Variants in ZNF804B observed in about 807,000 individuals in gnomAD.
ZNF804B encodes the protein zinc finger 804B.
Under a neutral mutation model 101.4 loss-of-function variants are expected in ZNF804B, and 80 were observed. The ratio of observed to expected loss-of-function variants is 0.79; its 90% CI spans 0.66 to 0.95. The LOEUF is 0.95. Among genes scored for constraint, ZNF804B ranks in the 40% least tolerant of loss-of-function variants. ZNF804B has a pLI of 0.00. For synonymous variants in ZNF804B, 622 were observed against 558.8 expected (o/e 1.11, Z -1.59); for missense variants, 1,673 against 1,561.9 (o/e 1.07, Z -1.20).
intron 1 of ZNF804B, among the ~76,000 whole-genome samples, chr7:89,064,893 A>G (rs376188273): frequency 1.5e-4 from 23 of 152,284 alleles, no homozygotes; most frequent in African/African-American, 5.3e-4. Flanking sequence ...AGCTTCACTT[A>G]AGAGTCATCG....
chr7:88,767,770 A>G (rs981978492), intron 1 of ZNF804B, among the ~76,000 whole-genome samples: 1 of 152,242 alleles, frequency 6.6e-6, no homozygotes. Flanking sequence ...ATCCGTCCAC[A>G]TGATTCTACT....
At chr7:88,878,917 T>C (rs112176911) in intron 1 of ZNF804B, among the ~76,000 whole-genome samples, 5 of 152,330 alleles carry the variant, frequency 3.3e-5, no homozygotes, top group African/African-American at 1.2e-4. Flanking sequence ...ACTTTTGCAG[T>C]TATGCCCAAA....
intron 1 of ZNF804B, among the ~76,000 whole-genome samples, chr7:89,056,760 A>C (rs1052727826): frequency 2.0e-5 from 3 of 152,146 alleles, no homozygotes; most frequent in Non-Finnish European, 2.9e-5. Flanking sequence ...CTAAGCAGAT[A>C]GGAGTGGGGG....
chr7:89,257,431 A>T (rs1789649934), intron 2 of ZNF804B, among the ~76,000 whole-genome samples: 1 of 152,078 alleles, frequency 6.6e-6, no homozygotes, highest in Non-Finnish European at 1.5e-5. Flanking sequence ...TTATAAGCTT[A>T]ATCTCTGAGT....
intron 1 of ZNF804B, among the ~76,000 whole-genome samples, chr7:89,206,645 A>T (rs1019948568): frequency 1.6e-4 from 24 of 152,042 alleles, no homozygotes; most frequent in African/African-American, 5.8e-4. Flanking sequence ...CTAGCTACTC[A>T]GGAGGCTGAG....
chr7:89,098,425 A>G (rs1472324361), intron 1 of ZNF804B, among the ~76,000 whole-genome samples: 2 of 151,926 alleles, frequency 1.3e-5, no homozygotes. Context: ...GGTGCGTGCC[A>G]CCACACCCAG....
chr7:88,829,549 TA>T (rs1791100808), intron 1 of ZNF804B, among the ~76,000 whole-genome samples: 1 of 152,072 alleles, frequency 6.6e-6, no homozygotes. Flanking sequence ...GTAAATAAAT[TA>T]AAAATTTTAA....
At chr7:88,802,186 C>T (rs1017676742) in intron 1 of ZNF804B, among the ~76,000 whole-genome samples, 3 of 152,094 alleles carry the variant, frequency 2.0e-5, no homozygotes, top group Admixed American at 6.6e-5. Context: ...GAGACCTCCT[C>T]AATCATGCGA....
intron 1 of ZNF804B, among the ~76,000 whole-genome samples, chr7:88,951,733 C>T (rs1793226670): frequency 6.6e-6 from 1 of 151,802 alleles, no homozygotes; most frequent in Non-Finnish European, 1.5e-5. Context: ...CCATCAGACA[C>T]TCACCAATTG....
At chr7:88,962,002 G>A (rs1472814555) in intron 1 of ZNF804B, among the ~76,000 whole-genome samples, 3 of 151,264 alleles carry the variant, frequency 2.0e-5, no homozygotes, top group Non-Finnish European at 1.5e-5. Context: ...CAAGGTTTTA[G>A]TGTAGAATTT....
chr7:89,220,731 A>C (rs969681020), intron 2 of ZNF804B, among the ~76,000 whole-genome samples: 19 of 151,964 alleles, frequency 1.3e-4, no homozygotes, highest in African/African-American at 3.4e-4. Context: ...GGTCTTATAA[A>C]TGATTTGTAA....
intron 1 of ZNF804B, among the ~76,000 whole-genome samples, chr7:89,038,236 C>G (rs909894582): frequency 2.6e-5 from 4 of 152,010 alleles, no homozygotes; most frequent in Non-Finnish European, 4.4e-5. Flanking sequence ...TGTGAGAAAC[C>G]TCCATACTCT....
intron 1 of ZNF804B, among the ~76,000 whole-genome samples, chr7:88,784,628 G>A (rs907086671): frequency 1.3e-5 from 2 of 152,070 alleles, no homozygotes; most frequent in African/African-American, 4.8e-5. Context: ...CACTGCCAAC[G>A]GCCAAGCTTT....
At chr7:89,305,656 A>C (rs1443006972) in intron 2 of ZNF804B, among the ~76,000 whole-genome samples, 1 of 152,066 alleles carries the variant, frequency 6.6e-6, no homozygotes, top group African/African-American at 2.4e-5. Flanking sequence ...TAAATGTGAT[A>C]AACATAAATG....
intron 1 of ZNF804B, among the ~76,000 whole-genome samples, chr7:89,136,764 T>TGTGCGC (rs1554368480): frequency 6.8e-6 from 1 of 146,392 alleles, no homozygotes; most frequent in Non-Finnish European, 1.5e-5. Flanking sequence ...TGTGTGTGTG[T>TGTGCGC]GCGCGCACGT....
intron 1 of ZNF804B, among the ~76,000 whole-genome samples, chr7:88,851,423 C>G (rs1791448821): frequency 2.0e-5 from 3 of 152,052 alleles, no homozygotes; most frequent in Non-Finnish European, 4.4e-5. Context: ...AAAGACACCA[C>G]TGACAGCAGA....
chr7:88,824,533 A>G (rs1224798243), intron 1 of ZNF804B, among the ~76,000 whole-genome samples: 2 of 152,200 alleles, frequency 1.3e-5, no homozygotes, highest in Non-Finnish European at 2.9e-5. Flanking sequence ...CTGTGAGAAC[A>G]GACTGATACG....
rs541294372 is a variant in ZNF804B, at chr7:89,115,195, C to A, written c.109-102960C>A. On this transcript the variant is annotated intron_variant, in intron 1 of 3. Transcript: ENST00000333190. ...CTGGAGCATTGTTTGACAAGATTCCCGAATGAAAGAGGGTTTTAAATGAAA... is the reference window on the plus strand; with the variant it reads ...CTGGAGCATTGTTTGACAAGATTCCAGAATGAAAGAGGGTTTTAAATGAAA... 8.5e-5 allele frequency among the ~76,000 whole-genome samples: 13 copies of A among 152,128 alleles called. 3 individuals are homozygous for A. In the South Asian group the frequency reaches 1.2e-3, roughly 15 times the overall value.
chr7:88,801,207 T>C (rs1262588772), intron 1 of ZNF804B, among the ~76,000 whole-genome samples: 2 of 151,590 alleles, frequency 1.3e-5, no homozygotes, highest in African/African-American at 4.8e-5. Flanking sequence ...CCACCAGGAA[T>C]GGAACCCTGG....
Sources: gnomAD v4.1 joint callset for allele counts (sites outside exome capture counted in the v4.1 genomes callset) on GRCh38, gnomAD v4.1.1 for gene constraint, MANE v1.5 for transcripts, NCBI Gene and HGNC (gene_info 2026-07-23, HGNC 2026-07-21) for gene names.